The following TEX10 variants were observed in gnomAD, a reference collection of about 807,000 sequenced individuals.
The protein encoded by TEX10 is testis expressed 10.
Under a neutral mutation model 104.4 loss-of-function variants are expected in TEX10, and 24 were observed. That is an observed-to-expected ratio of 0.23 (90% CI 0.17 to 0.32). The LOEUF is 0.32. Ranked by LOEUF, TEX10 falls within the 10% of genes least tolerant of loss-of-function variation. The probability of loss-of-function intolerance (pLI) is 1.00; values close to 1 mark genes in which losing one functional copy is unlikely to be tolerated. For synonymous variants in TEX10, 396 were observed against 393.4 expected, an observed-to-expected ratio of 1.01 and a Z score of -0.08; for missense variants, 921 against 1,083.9, an observed-to-expected ratio of 0.85 and a Z score of 2.11.
chr9:100,310,288 A>C lies in TEX10; in HGVS notation c.2283+11T>G. ...GTTCATTCTTAAGAGAAAAAGTTTA[A>C]GGATACTTACCAAATGCTTACTGAT... On this transcript the variant is annotated intron_variant, in intron 12 of 14. Coordinates refer to ENST00000374902, the MANE Select transcript of TEX10 (RefSeq NM_017746.4). 1.2e-6 allele frequency: 2 copies of C among 1,612,846 alleles called. No individual in the cohort carries two copies. Among genetic ancestry groups the C allele is most frequent in the Non-Finnish European group, 1.7e-6 (2 of 1,179,054 alleles).
chr9:100,308,189 G>A lies in TEX10; in HGVS notation c.2465+311C>T, dbSNP rs1469081895. On this transcript the variant is annotated intron_variant, in intron 13 of 14. Transcript: ENST00000374902. Reference sequence around the variant, plus strand: ...GTACTAATAGCCCATCCTCCTAACGGTAGATTTATTTTTCTTGCTAGACTT... The same window carrying A: ...GTACTAATAGCCCATCCTCCTAACGATAGATTTATTTTTCTTGCTAGACTT... 2.6e-5 allele frequency among the ~76,000 whole-genome samples: 4 copies of A among 151,036 alleles called. No individual in the cohort carries two copies. In the Admixed American group the frequency reaches 2.7e-4, roughly 10 times the overall value.
At chr9:100,345,986 TTAG>T (rs1835290489) in intron 4 of TEX10, 83 bp downstream of exon 4, 1 of 1,427,448 alleles carries the variant, frequency 7.0e-7, no homozygotes, top group African/African-American at 1.4e-5. Context: ...ATATAACCAA[TTAG>T]TAGTAATGAG....
Position 100,308,634 on chromosome 9 carries a change from A to G in TEX10, c.2331T>C (p.Gly777=). ...IPDSTAGCVF[G]VICKLLDHTC... ...TATGATCCAGGAGCTTACAGATAACACCAAAAACACAGCCAGCCGTGCTGT... is the reference window on the plus strand; with the variant it reads ...TATGATCCAGGAGCTTACAGATAACGCCAAAAACACAGCCAGCCGTGCTGT... The change falls in exon 13 of 15, where the codon GGT becomes GGC. Residue 777 remains glycine, a synonymous_variant. Transcript: ENST00000374902. 1 of 1,609,986 alleles carries G rather than the reference A, an allele frequency of 6.2e-7. No homozygotes were observed. The highest frequency in any genetic ancestry group is 8.5e-7 in the Non-Finnish European group (1 of 1,178,270).
At position 100,341,718 on chromosome 9, in the gene TEX10, A is replaced by G. The variant is rs191837873; in HGVS notation, c.1138-1349T>C. On this transcript the variant is annotated intron_variant, in intron 4 of 14. Transcript: ENST00000374902. ...AATTCCCCACACAGCAGCCAGGGTG[A>G]TCTTTTAAAACATAAATCGTGTTTC... Among the ~76,000 whole-genome samples, 6 of 152,298 alleles carry G rather than the reference A, an allele frequency of 3.9e-5. No homozygotes were observed. The East Asian group carries it at 1.2e-3, about 29-fold the overall frequency.
chr9:100,350,890 T>C (rs1835423375), intron 1 of TEX10, among the ~76,000 whole-genome samples: 1 of 152,194 alleles, frequency 6.6e-6, no homozygotes, highest in African/African-American at 2.4e-5. Context: ...CCAGATTGAT[T>C]AGGCTTTTAT....
chr9:100,319,228 A>G (rs1834503337), intron 11 of TEX10, among the ~76,000 whole-genome samples: 1 of 152,018 alleles, frequency 6.6e-6, no homozygotes, highest in Non-Finnish European at 1.5e-5. Flanking sequence ...ACCCCAAAAC[A>G]GTAACAAAAA....
Position 100,337,303 on chromosome 9 carries a change from T to G in TEX10, c.1250+2954A>C, listed in dbSNP as rs554187866. On this transcript the variant is annotated intron_variant, in intron 5 of 14. Coordinates refer to ENST00000374902, the MANE Select transcript of TEX10 (RefSeq NM_017746.4). ...GTCCAATAAATTTCTTGAATGATGA[T>G]ATGCTGATACATTTTTCAATAATTT... 4.6e-5 allele frequency among the ~76,000 whole-genome samples: 7 copies of G among 152,340 alleles called. No individual in the cohort carries two copies. In the South Asian group the frequency reaches 1.4e-3, roughly 32 times the overall value.
At chr9:100,347,659 CT>C (rs1835333447) in intron 2 of TEX10, among the ~76,000 whole-genome samples, 1 of 152,122 alleles carries the variant, frequency 6.6e-6, no homozygotes, top group African/African-American at 2.4e-5. Context: ...CTTAGGCGCT[CT>C]ATGATATAAA....
At chr9:100,348,008 T>C (rs1022508113) in intron 2 of TEX10, among the ~76,000 whole-genome samples, 2 of 152,220 alleles carry the variant, frequency 1.3e-5, no homozygotes, top group Admixed American at 1.3e-4. Flanking sequence ...ACAAACTAAA[T>C]GTTCATCAAC....
chr9:100,347,386 A>G lies in TEX10; in HGVS notation c.201T>C (p.His67=). ...TTTGTTTAACCCCAGCATTGTAGTG[A>G]TGCATCTGTGACAGCAAATCCTATA... ...LNIKDLLSQM[H]HYNAGVKQSA... is the part of the protein sequence containing the mutation. The change falls in exon 3 of 15, where the codon CAT becomes CAC. Residue 67 remains histidine, a synonymous_variant. Transcript: ENST00000374902. 2 of 1,589,760 alleles carry G rather than the reference A, an allele frequency of 1.3e-6. No individual in the cohort carries two copies. Among genetic ancestry groups the G allele is most frequent in the African/African-American group, 1.4e-5 (1 of 73,854 alleles).
intron 11 of TEX10, among the ~76,000 whole-genome samples, chr9:100,311,271 T>G (rs943447439): frequency 6.6e-6 from 1 of 150,688 alleles, no homozygotes; most frequent in Non-Finnish European, 1.5e-5. Context: ...AGCACATGCT[T>G]GTGGTACCAG....
chr9:100,337,524 G>A (rs950383861), intron 5 of TEX10, among the ~76,000 whole-genome samples: 4 of 152,112 alleles, frequency 2.6e-5, no homozygotes, highest in African/African-American at 9.7e-5. Context: ...AAAATTGTAT[G>A]GGGGGAAAAA....
chr9:100,302,151 T>C lies in TEX10; in HGVS notation c.*40A>G, dbSNP rs762929771. 13 of 1,212,564 alleles carry C rather than the reference T, an allele frequency of 1.1e-5. No individual in the cohort carries two copies. Among genetic ancestry groups the C allele is most frequent in the Non-Finnish European group, 1.2e-5 (10 of 861,074 alleles). The allele number at this position is 1,212,564 out of a possible 1,614,324, so 75.1% of individuals were successfully genotyped here. A position where few individuals can be genotyped will look rare whatever the true frequency, so the allele number is the denominator to read the frequency against. ...AGTCTTTTTCTTCAAATAAGATAGA[T>C]GTGAATAAACAACTTCAAACAGGAG... On this transcript the variant is annotated 3_prime_UTR_variant, in exon 15 of 15. Coordinates refer to ENST00000374902, the MANE Select transcript of TEX10 (RefSeq NM_017746.4).
At chr9:100,346,586 G>A in intron 3 of TEX10, 108 bp downstream of exon 3, 2 of 1,230,922 alleles carry the variant, frequency 1.6e-6, no homozygotes, top group Non-Finnish European at 2.3e-6. Flanking sequence ...GTAACTATAT[G>A]AAAACTATGA....
At chr9:100,338,904 T>C (rs1237271503) in intron 5 of TEX10, among the ~76,000 whole-genome samples, 2 of 151,566 alleles carry the variant, frequency 1.3e-5, no homozygotes, top group African/African-American at 2.4e-5. Flanking sequence ...AAAAAATCAC[T>C]GTCGCAGTTT....
At position 100,334,461 on chromosome 9, in the gene TEX10, C is replaced by A. The variant is rs189420635; in HGVS notation, c.1251-4292G>T. Among the ~76,000 whole-genome samples the A allele has an allele frequency of 2.6e-5, 4 of 151,890 alleles. No individual in the cohort carries two copies. In the East Asian group the frequency reaches 7.8e-4, roughly 29 times the overall value. On this transcript the variant is annotated intron_variant, in intron 5 of 14. Coordinates refer to ENST00000374902, the MANE Select transcript of TEX10 (RefSeq NM_017746.4). ...ACATTTTTATGGGGGGAGAAAAAAACGAACTAAAGAAGACTCTAAATGATC... is the reference window on the plus strand; with the variant it reads ...ACATTTTTATGGGGGGAGAAAAAAAAGAACTAAAGAAGACTCTAAATGATC...
At chr9:100,328,093 T>C in intron 7 of TEX10, 131 bp from the exon 8 acceptor site, 1 of 647,084 alleles carries the variant, frequency 1.5e-6, no homozygotes, top group East Asian at 3.1e-5. Flanking sequence ...ATACCACATT[T>C]ATTCATTTAA....
intron 10 of TEX10, 82 bp downstream of exon 10, chr9:100,321,601 G>A (rs1307474353): frequency 1.7e-6 from 2 of 1,161,214 alleles, no homozygotes; most frequent in East Asian, 2.4e-5. Context: ...GAACCAAACT[G>A]ATAAAATGGC....
rs762475173 is a variant in TEX10 at position 100,303,827 on chromosome 9, C to A, written c.2481G>T (p.Gly827=). 3 of 1,613,820 alleles carry A rather than the reference C, an allele frequency of 1.9e-6. No homozygotes were observed. Among genetic ancestry groups the A allele is most frequent in the Non-Finnish European group, 2.5e-6 (3 of 1,179,964 alleles). ...AGAGAGCCAGGATGGAGACACAGAC[C>A]CCCCACAGCTTGTCCCTACAATAAC... is the stretch of plus-strand genomic sequence containing the variant. The part of the protein sequence containing the change: ...EHLRKRDKLW[G]VCVSILALLP... Residue 827 remains glycine (G), a synonymous_variant, in exon 14 of 15, where the codon GGG becomes GGT. Coordinates refer to ENST00000374902, the MANE Select transcript of TEX10 (RefSeq NM_017746.4).
Sources: allele counts gnomAD v4.1 joint callset (sites outside exome capture counted in the v4.1 genomes callset), GRCh38; gene constraint gnomAD v4.1.1; transcripts MANE v1.5; gene names NCBI Gene and HGNC (gene_info 2026-07-23, HGNC 2026-07-21).